The following NDST4 variants were observed in gnomAD, a reference collection of about 807,000 sequenced individuals.
NDST4 encodes the protein N-heparan sulfate sulfotransferase 4.
Under a neutral mutation model 100.8 loss-of-function variants are expected in NDST4, and 63 were observed. That is an observed-to-expected ratio of 0.62 (90% confidence interval 0.51 to 0.77). The LOEUF is 0.77. NDST4 is among the 30% of genes least tolerant of loss of function. The pLI, the probability that NDST4 is intolerant of heterozygous loss-of-function variation, is 0.00. For synonymous variants in NDST4, 377 were observed against 361.8 expected (o/e 1.04, Z -0.48); for missense variants, 943 against 1,018.4 (o/e 0.93, Z 1.01).
intron 2 of NDST4, among the ~76,000 whole-genome samples, chr4:114,986,824 A>ATT (rs1354529061): frequency 9.9e-5 from 11 of 110,998 alleles, no homozygotes; most frequent in African/African-American, 2.7e-4. Context: ...ATATATATAT[A>ATT]TATATATATT....
At chr4:114,935,878 G>T (rs1725619020) in intron 5 of NDST4, among the ~76,000 whole-genome samples, 1 of 152,000 alleles carries the variant, frequency 6.6e-6, no homozygotes, top group Admixed American at 6.6e-5. Context: ...TACTTCTTTT[G>T]TAAGTCTGAA....
At chr4:114,828,605 T>G (rs1184240501) in intron 13 of NDST4, among the ~76,000 whole-genome samples, 22 of 152,010 alleles carry the variant, frequency 1.4e-4, no homozygotes, top group Admixed American at 1.4e-3. Flanking sequence ...TATTTATCTT[T>G]CATCTACACA....
intron 2 of NDST4, among the ~76,000 whole-genome samples, chr4:115,032,720 C>T (rs1356665572): frequency 6.6e-6 from 1 of 151,900 alleles, no homozygotes; most frequent in Non-Finnish European, 1.5e-5. Flanking sequence ...GTCTTCTGAC[C>T]AAAGCTTAGG....
chr4:115,010,455 A>G (rs1398902273), intron 2 of NDST4, among the ~76,000 whole-genome samples: 5 of 128,158 alleles, frequency 3.9e-5, no homozygotes, highest in African/African-American at 1.5e-4. Context: ...CAAACACCGC[A>G]TATTCTTACT....
At chr4:114,897,201 T>C (rs760914114) in intron 6 of NDST4, among the ~76,000 whole-genome samples, 11 of 152,160 alleles carry the variant, frequency 7.2e-5, no homozygotes, top group Non-Finnish European at 1.5e-4. Flanking sequence ...ATAATAGTTC[T>C]GGAGCCCTAA....
intron 1 of NDST4, 125 bp from the exon 2 acceptor site, chr4:115,077,407 T>A (rs1177040795): frequency 1.9e-5 from 3 of 158,004 alleles, no homozygotes; most frequent in African/African-American, 7.2e-5. Context: ...TATGCTAAAA[T>A]ATTAACAACC....
intron 2 of NDST4, among the ~76,000 whole-genome samples, chr4:115,029,785 G>A (rs567591979): frequency 2.0e-5 from 3 of 152,128 alleles, no homozygotes; most frequent in Admixed American, 6.6e-5. Flanking sequence ...TAGCTACAGA[G>A]AGAACTATAG....
intron 9 of NDST4, among the ~76,000 whole-genome samples, chr4:114,847,839 AACT>A (rs1478561290): frequency 1.3e-5 from 2 of 152,244 alleles, no homozygotes; most frequent in Non-Finnish European, 2.9e-5. Context: ...TTATAAAATA[AACT>A]ACTGATTTAT....
intron 6 of NDST4, among the ~76,000 whole-genome samples, chr4:114,885,271 G>T (rs1373848398): frequency 6.6e-6 from 1 of 152,076 alleles, no homozygotes; most frequent in Non-Finnish European, 1.5e-5. Flanking sequence ...AGTTCTTTGA[G>T]ATTTGAGTGT....
chr4:114,868,944 TTATA>T lies in NDST4; in HGVS notation c.1719+1820_1719+1823del, dbSNP rs3077771. Among the ~76,000 whole-genome samples, 1,345 of 143,386 alleles carry T rather than the reference TTATA, an allele frequency of 9.4e-3. 23 individuals carry two copies. The highest frequency in any genetic ancestry group is 0.027 in the African/African-American group (1,104 of 40,166). The allele number at this position is 143,386 out of a possible 152,430, so 94.1% of individuals were successfully genotyped here. A position where few individuals can be genotyped will look rare whatever the true frequency, so the allele number is the denominator to read the frequency against. Reference sequence around the variant, plus strand: ...AATTAAAATTATCAGCACTTGCAAATTATATATATATATATATATATATTTCTTA... The same window carrying T: ...AATTAAAATTATCAGCACTTGCAAATTATATATATATATATATATTTCTTA... On this transcript the variant is annotated intron_variant, in intron 7 of 13. Transcript: ENST00000264363.
At chr4:114,895,479 T>C (rs61028116) in intron 6 of NDST4, among the ~76,000 whole-genome samples, 34,497 of 152,040 alleles carry the variant, frequency 0.23, 5,625 homozygotes, top group African/African-American at 0.47. Flanking sequence ...GCTCTGAAAT[T>C]GGGGCAGTAA....
intron 6 of NDST4, among the ~76,000 whole-genome samples, chr4:114,919,735 A>C (rs1045192409): frequency 6.6e-6 from 1 of 152,242 alleles, no homozygotes; most frequent in East Asian, 1.9e-4. Context: ...TACGTTTAAC[A>C]ATAATATTTT....
chr4:115,002,884 A>G lies in NDST4; in HGVS notation c.979-25610T>C, dbSNP rs189703378. Among the ~76,000 whole-genome samples the G allele has an allele frequency of 7.9e-3, 1,206 of 152,280 alleles. 12 individuals are homozygous for G. Among genetic ancestry groups the G allele is most frequent in the African/African-American group, 0.026 (1,062 of 41,554 alleles). On this transcript the variant is annotated intron_variant, in intron 2 of 13. Transcript: ENST00000264363. ...AAAATGTTGCACATATGTACCATGG[A>G]ATACTATGCAGCCATAAAAAAGAAT...
At chr4:115,108,019 T>A (rs192203469) in intron 1 of NDST4, among the ~76,000 whole-genome samples, 1 of 152,024 alleles carries the variant, frequency 6.6e-6, no homozygotes, top group Non-Finnish European at 1.5e-5. Context: ...TAGTATAATT[T>A]ATTGATTGTG....
chr4:114,989,985 G>T (rs1463761863), intron 2 of NDST4, among the ~76,000 whole-genome samples: 4 of 152,008 alleles, frequency 2.6e-5, no homozygotes, highest in Non-Finnish European at 4.4e-5. Flanking sequence ...GACTTCATCG[G>T]CATAAATCAG....
intron 2 of NDST4, among the ~76,000 whole-genome samples, chr4:114,988,519 G>A (rs2028482): frequency 0.38 from 57,884 of 151,032 alleles, 11,601 homozygotes; most frequent in African/African-American, 0.51. Flanking sequence ...CCGCCACCAC[G>A]CCTGGCTAAT....
intron 6 of NDST4, among the ~76,000 whole-genome samples, chr4:114,879,085 C>T (rs558638073): frequency 1.1e-4 from 17 of 151,968 alleles, no homozygotes; most frequent in Admixed American, 5.9e-4. Context: ...TGAAGTACAA[C>T]GTGAAGTTTT....
chr4:115,017,294 TTTAA>T (rs1727699354), intron 2 of NDST4, among the ~76,000 whole-genome samples: 1 of 152,096 alleles, frequency 6.6e-6, no homozygotes, highest in Non-Finnish European at 1.5e-5. Context: ...AAGGATTCTC[TTTAA>T]TTATACTTTG....
chr4:114,901,422 G>A (rs1724835942), intron 6 of NDST4, among the ~76,000 whole-genome samples: 1 of 151,928 alleles, frequency 6.6e-6, no homozygotes, highest in South Asian at 2.1e-4. Context: ...TCTGAAGCCT[G>A]CTCTGTCTGA....
Sources: allele counts gnomAD v4.1 joint callset (sites outside exome capture counted in the v4.1 genomes callset), GRCh38; gene constraint gnomAD v4.1.1; transcripts MANE v1.5; gene names NCBI Gene and HGNC (gene_info 2026-07-23, HGNC 2026-07-21).